MRTFB: variants seen among roughly 807,000 people sequenced by gnomAD.
The protein encoded by MRTFB is myocardin-related transcription factor B.
In MRTFB, 29 loss-of-function variants were observed where a neutral mutation model predicts 104.2. The ratio of observed to expected loss-of-function variants is 0.28; its 90% CI spans 0.21 to 0.38. MRTFB has a LOEUF of 0.38. Among genes scored for constraint, MRTFB ranks in the 10% least tolerant of loss-of-function variants. The pLI, the probability that MRTFB is intolerant of heterozygous loss-of-function variation, is 1.00. For missense variants in MRTFB, 1,270 were observed against 1,341.6 expected (o/e 0.95, Z 0.83); for synonymous variants, 535 against 519.5 (o/e 1.03, Z -0.41).
chr16:14,245,324 T>A lies in MRTFB; in HGVS notation c.1080-204T>A, dbSNP rs191763995. Among the ~76,000 whole-genome samples the A allele has an allele frequency of 6.7e-4, 102 of 152,348 alleles. 1 individual carries two copies. The highest frequency in any genetic ancestry group is 6.3e-3 in the Admixed American group (97 of 15,304). Reference sequence around the variant, plus strand: ...CCATATAAAGCTTAGAATCGCCTTCTAAATTTCCGTCACGCTAGCAAACAA... The same window carrying A: ...CCATATAAAGCTTAGAATCGCCTTCAAAATTTCCGTCACGCTAGCAAACAA... On this transcript the variant is annotated intron_variant, in intron 10 of 16. Transcript: ENST00000571589.
At chr16:14,241,596 T>C (rs936483512) in intron 10 of MRTFB, 6 of 152,232 alleles carry the variant, frequency 3.9e-5, no homozygotes, top group African/African-American at 4.8e-5. Context: ...ATTCAACTTA[T>C]GATTATACGA....
chr16:14,042,321 C>T, the MRTFB span, among the ~76,000 whole-genome samples: 4,038 of 152,258 alleles, frequency 0.027, 179 homozygotes, highest in African/African-American at 0.092. Context: ...GATGGATTTT[C>T]ACCACGTTGG....
chr16:14,136,104 T>A (rs899273609), intron 2 of MRTFB, among the ~76,000 whole-genome samples: 2 of 152,004 alleles, frequency 1.3e-5, no homozygotes, highest in Non-Finnish European at 2.9e-5. Context: ...GATCCCTGTC[T>A]CTACTAAAAA....
rs758930989 is a variant in MRTFB at position 14,247,483 on chromosome 16, C to A, written c.2223C>A (p.Leu741=). ...IQGSSVTSVQ[L]PVGSLKLQTS... Reference sequence around the variant, plus strand: ...GCTCGAGTGTCACCTCAGTGCAACTCCCTGTAGGCAGCCTCAAACTCCAGG... The same window carrying A: ...GCTCGAGTGTCACCTCAGTGCAACTACCTGTAGGCAGCCTCAAACTCCAGG... The change falls in exon 12 of 17, where the codon CTC becomes CTA. Residue 741 remains leucine, a synonymous_variant. Transcript: ENST00000571589. 1.3e-6 allele frequency: 2 copies of A among 1,569,806 alleles called. No individual in the cohort carries two copies. Among genetic ancestry groups the A allele is most frequent in the East Asian group, 2.3e-5 (1 of 43,346 alleles).
At position 14,249,037 on chromosome 16, in the gene MRTFB, A is replaced by G. The variant is rs1022467952; in HGVS notation, c.2359A>G (p.Thr787Ala). 2.5e-6 allele frequency: 4 copies of G among 1,614,212 alleles called. No individual in the cohort carries two copies. Among genetic ancestry groups the G allele is most frequent in the Non-Finnish European group, 3.4e-6 (4 of 1,180,028 alleles). Residue 787 changes from threonine to alanine, a missense_variant, in exon 13 of 17, where the codon ACG (threonine) becomes GCG (alanine). Coordinates refer to ENST00000571589, the MANE Select transcript of MRTFB (RefSeq NM_001308142.2). The stretch of plus-strand genomic sequence containing the variant: ...CCCAACTGTACCTCAGACACAAGAC[A>G]CGTTCCCGCAGCATGTGCTCAGTCA... ...LAPTVPQTQD[T>A]FPQHVLSQPQ...
At chr16:14,125,723 T>G (rs1650563481) in intron 2 of MRTFB, among the ~76,000 whole-genome samples, 1 of 152,264 alleles carries the variant, frequency 6.6e-6, no homozygotes. Context: ...GTTTTTGTAC[T>G]TTACGTCTGT....
At chr16:14,193,230 A>C (rs1277757895) in intron 3 of MRTFB, among the ~76,000 whole-genome samples, 3 of 151,330 alleles carry the variant, frequency 2.0e-5, no homozygotes, top group African/African-American at 7.3e-5. Flanking sequence ...AAAAAAAAAA[A>C]AAAAAAAAAG....
chr16:14,029,443 T>TAC, the MRTFB span, among the ~76,000 whole-genome samples: 23 of 65,282 alleles, frequency 3.5e-4, no homozygotes, highest in African/African-American at 7.3e-4. Context: ...TATATATATA[T>TAC]ATACACACAC....
chr16:14,223,375 A>G (rs1015019234), intron 8 of MRTFB, among the ~76,000 whole-genome samples: 6 of 152,152 alleles, frequency 3.9e-5, no homozygotes, highest in African/African-American at 1.4e-4. Context: ...TCCAGAAACT[A>G]TCTTAGAAGA....
At chr16:14,153,856 C>CT (rs1164746966) in intron 3 of MRTFB, among the ~76,000 whole-genome samples, 2 of 152,036 alleles carry the variant, frequency 1.3e-5, no homozygotes, top group East Asian at 1.9e-4. Flanking sequence ...TATTGATTTT[C>CT]TTTTTATTTG....
the MRTFB span, among the ~76,000 whole-genome samples, chr16:14,003,619 GGCCGGCCTGCCTGCCT>G: frequency 3.3e-4 from 2 of 6,100 alleles, no homozygotes; most frequent in Non-Finnish European, 1.0e-3. Context: ...AGCTGGGGCC[GGCCGGCCTGCCTGCCT>G]GCCTGCCTCC....
chr16:14,241,693 G>C (rs1031476072), intron 10 of MRTFB, among the ~76,000 whole-genome samples: 2 of 152,096 alleles, frequency 1.3e-5, no homozygotes, highest in African/African-American at 4.8e-5. Context: ...CAAATATCTT[G>C]AGGAAGATTA....
chr16:14,073,090 C>T (rs1015018717), intron 1 of MRTFB, among the ~76,000 whole-genome samples: 3 of 152,144 alleles, frequency 2.0e-5, no homozygotes, highest in African/African-American at 7.2e-5. Context: ...AGACAGTTTT[C>T]CCTTACTCTA....
the MRTFB span, among the ~76,000 whole-genome samples, chr16:14,038,970 C>T: frequency 9.9e-5 from 15 of 152,156 alleles, no homozygotes; most frequent in East Asian, 2.1e-3. Flanking sequence ...CATCAGATCT[C>T]GTGAGACTTA....
At chr16:14,210,692 CTTAT>C (rs1167174607) in intron 4 of MRTFB, among the ~76,000 whole-genome samples, 1 of 152,064 alleles carries the variant, frequency 6.6e-6, no homozygotes, top group East Asian at 1.9e-4. Flanking sequence ...TTTACTTAGA[CTTAT>C]TTAGTTCCAG....
chr16:14,258,675 C>T (rs1278282933), intron 16 of MRTFB, among the ~76,000 whole-genome samples: 1 of 152,194 alleles, frequency 6.6e-6, no homozygotes. Context: ...TTGTTCCATG[C>T]GTATGTCATT....
At chr16:14,083,248 T>G (rs1013155830) in intron 2 of MRTFB, among the ~76,000 whole-genome samples, 1 of 152,188 alleles carries the variant, frequency 6.6e-6, no homozygotes, top group African/African-American at 2.4e-5. Flanking sequence ...TCCAACAGTT[T>G]TTTTTGGTGG....
chr16:14,014,913 C>A, the MRTFB span, among the ~76,000 whole-genome samples: 15 of 152,080 alleles, frequency 9.9e-5, no homozygotes, highest in Admixed American at 7.9e-4. Context: ...TCTAACATCT[C>A]TTTTCCTTGC....
the MRTFB span, among the ~76,000 whole-genome samples, chr16:14,054,770 C>G: frequency 6.6e-6 from 1 of 152,138 alleles, no homozygotes; most frequent in Non-Finnish European, 1.5e-5. Flanking sequence ...AACGAAGCTC[C>G]CCCTTAAAGT....
Sources: gnomAD v4.1 joint callset for allele counts (sites outside exome capture counted in the v4.1 genomes callset) on GRCh38, gnomAD v4.1.1 for gene constraint, MANE v1.5 for transcripts, NCBI Gene and HGNC (gene_info 2026-07-23, HGNC 2026-07-21) for gene names.